The following PIGN variants were observed in gnomAD, a reference collection of about 807,000 sequenced individuals.
PIGN encodes the protein phosphatidylinositol glycan anchor biosynthesis class N, also known as GPI ethanolamine phosphate transferase 1.
In PIGN, 117 loss-of-function variants were observed where a neutral mutation model predicts 125.4. That is an observed-to-expected ratio of 0.93 (90% CI 0.80 to 1.09). The LOEUF is 1.09. Among genes scored for constraint, PIGN ranks in the 50% least tolerant of loss-of-function variants. PIGN has a pLI of 0.00. For missense variants in PIGN, 1,075 were observed against 1,094.9 expected (o/e 0.98, Z 0.26); for synonymous variants, 392 against 377.8 (o/e 1.04, Z -0.44).
chr18:62,117,520 T>A (rs1481850924), intron 14 of PIGN, among the ~76,000 whole-genome samples: 1 of 151,204 alleles, frequency 6.6e-6, no homozygotes, highest in African/African-American at 2.4e-5. Context: ...GGGATTGAAG[T>A]GTATTACACC....
intron 20 of PIGN, chr18:62,105,248 C>T (rs1281044026): frequency 1.0e-5 from 2 of 194,998 alleles, no homozygotes; most frequent in African/African-American, 2.3e-5. Context: ...TTTACTGATT[C>T]CTCCAAGCAT....
chr18:62,029,724 C>T (rs1236470188), intron 23 of PIGN, among the ~76,000 whole-genome samples: 1 of 152,186 alleles, frequency 6.6e-6, no homozygotes, highest in Non-Finnish European at 1.5e-5. Context: ...CAGAACAGAA[C>T]TCTTAGCAGG....
intron 30 of PIGN, among the ~76,000 whole-genome samples, chr18:62,062,540 A>G (rs968405947): frequency 1.8e-4 from 28 of 152,242 alleles, no homozygotes; most frequent in Admixed American, 7.8e-4. Context: ...TTAATGTTGT[A>G]TAGATGGGGG....
intron 16 of PIGN, among the ~76,000 whole-genome samples, chr18:62,111,158 C>T (rs1362513753): frequency 1.3e-5 from 2 of 151,872 alleles, no homozygotes; most frequent in African/African-American, 4.8e-5. Context: ...ACCCATGTGT[C>T]CTTGTGGAAA....
In PIGN at chr18:62,072,562, G is replaced by A. The variant is rs774610798; in HGVS notation, c.2672+111C>T. 3 of 820,264 alleles carry A rather than the reference G, an allele frequency of 3.7e-6. No individual in the cohort carries two copies. The Admixed American group carries it at 7.0e-5, about 19-fold the overall frequency. The allele number at this position is 820,264 out of a possible 1,614,324, so 50.8% of individuals were successfully genotyped here. On this transcript the variant is annotated intron_variant, in intron 30 of 30. Transcript: ENST00000640252. ...GGTGTGTTGTAGGCTACACCATCTAGGTTTGTGTGAATATACTCTGTGATG... is the reference window on the plus strand; with the variant it reads ...GGTGTGTTGTAGGCTACACCATCTAAGTTTGTGTGAATATACTCTGTGATG...
At chr18:62,061,507 G>A (rs7230720) in intron 30 of PIGN, among the ~76,000 whole-genome samples, 7,567 of 51,284 alleles carry the variant, frequency 0.15, 1,124 homozygotes, top group African/African-American at 0.39. Context: ...GCGAGACTCC[G>A]TCTCAAAAAA....
At chr18:62,101,210 A>G (rs755449898) in intron 21 of PIGN, 27 bp from the exon 22 acceptor site, 4 of 1,322,860 alleles carry the variant, frequency 3.0e-6, no homozygotes, top group Non-Finnish European at 4.3e-6. Flanking sequence ...AATAGGTTAA[A>G]AAAAGAGAAG....
chr18:62,150,040 A>C lies in PIGN; in HGVS notation c.550-1702T>G, dbSNP rs186014576. Among the ~76,000 whole-genome samples, 5 of 152,288 alleles carry C rather than the reference A, an allele frequency of 3.3e-5. No individual in the cohort carries two copies. The East Asian group carries it at 9.7e-4, about 29-fold the overall frequency. Reference sequence around the variant, plus strand: ...TCTATCGCCCAGGCTGGAGTGCAGCAGCACAATCTTGGCTCACTGCAACCT... The same window carrying C: ...TCTATCGCCCAGGCTGGAGTGCAGCCGCACAATCTTGGCTCACTGCAACCT... On this transcript the variant is annotated intron_variant, in intron 7 of 30. Coordinates refer to ENST00000640252, the MANE Select transcript of PIGN (RefSeq NM_176787.5).
At chr18:62,113,075 T>C in intron 16 of PIGN, 59 bp downstream of exon 16, 4 of 1,278,140 alleles carry the variant, frequency 3.1e-6, no homozygotes, top group Non-Finnish European at 4.4e-6. Context: ...CTCATTACAC[T>C]GGATTCAGTA....
At chr18:62,094,574 T>C (rs1394787115) in intron 23 of PIGN, among the ~76,000 whole-genome samples, 2 of 152,184 alleles carry the variant, frequency 1.3e-5, no homozygotes, top group African/African-American at 4.8e-5. Flanking sequence ...TTTAACAAAA[T>C]TATTTATCCT....
intron 14 of PIGN, chr18:62,137,009 A>G (rs1269835405): frequency 5.0e-6 from 2 of 398,238 alleles, no homozygotes; most frequent in Non-Finnish European, 8.9e-6. Flanking sequence ...GTTCCTGGGT[A>G]TGTCTGTGAC....
At chr18:62,108,546 A>G (rs1019835046) in intron 17 of PIGN, among the ~76,000 whole-genome samples, 5 of 151,986 alleles carry the variant, frequency 3.3e-5, no homozygotes, top group African/African-American at 1.2e-4. Flanking sequence ...CCTTATAGTT[A>G]ATATTTTAAG....
At chr18:62,094,348 A>T (rs2034089091) in intron 23 of PIGN, among the ~76,000 whole-genome samples, 1 of 152,180 alleles carries the variant, frequency 6.6e-6, no homozygotes. Context: ...AAAAAGAGAA[A>T]GGCCTATTAA....
chr18:62,179,835 C>T (rs1053185084), intron 1 of PIGN, among the ~76,000 whole-genome samples: 1 of 152,152 alleles, frequency 6.6e-6, no homozygotes, highest in African/African-American at 2.4e-5. Flanking sequence ...TCCACTCCTG[C>T]TTTCCCCACC....
At chr18:62,092,808 T>C (rs1159712937) in intron 23 of PIGN, among the ~76,000 whole-genome samples, 1 of 152,060 alleles carries the variant, frequency 6.6e-6, no homozygotes, top group African/African-American at 2.4e-5. Context: ...GAAAAACAAA[T>C]ATTTACAATG....
chr18:62,089,064 A>G (rs2033843428), intron 24 of PIGN, among the ~76,000 whole-genome samples: 1 of 152,150 alleles, frequency 6.6e-6, no homozygotes, highest in Non-Finnish European at 1.5e-5. Flanking sequence ...TATATAGAAC[A>G]CAGTTGTAGT....
chr18:62,167,508 T>G (rs993166947), intron 1 of PIGN, among the ~76,000 whole-genome samples: 1 of 151,624 alleles, frequency 6.6e-6, no homozygotes, highest in African/African-American at 2.4e-5. Flanking sequence ...GGTGCACACC[T>G]GTGGTCTCAG....
At chr18:62,072,040 A>G (rs2032909110) in intron 30 of PIGN, among the ~76,000 whole-genome samples, 1 of 149,342 alleles carries the variant, frequency 6.7e-6, no homozygotes. Flanking sequence ...TGTGGAAATA[A>G]AAATCCTGAC....
At chr18:62,078,894 T>C (rs2033311654) in intron 28 of PIGN, among the ~76,000 whole-genome samples, 1 of 152,210 alleles carries the variant, frequency 6.6e-6, no homozygotes, top group Non-Finnish European at 1.5e-5. Context: ...ATCTCCCTGC[T>C]CTTATTCTTG....
Sources: gnomAD v4.1 joint callset for allele counts (sites outside exome capture counted in the v4.1 genomes callset) on GRCh38, gnomAD v4.1.1 for gene constraint, MANE v1.5 for transcripts, NCBI Gene and HGNC (gene_info 2026-07-23, HGNC 2026-07-21) for gene names.